CSMD3: variants seen among roughly 807,000 people sequenced by gnomAD.
CSMD3 encodes the protein CUB and sushi domain-containing protein 3.
CSMD3 carries 177 observed loss-of-function variants against 435.2 expected under a neutral mutation model. That is an observed-to-expected ratio of 0.41 (90% CI 0.36 to 0.46). The LOEUF is 0.46. Ranked by LOEUF, CSMD3 falls within the 20% of genes least tolerant of loss-of-function variation. The pLI is 0.34. For missense variants in CSMD3, 4,265 were observed against 4,504.6 expected, an observed-to-expected ratio of 0.95 and a Z score of 1.52; for synonymous variants, 1,656 against 1,520.5, an observed-to-expected ratio of 1.09 and a Z score of -2.07.
chr8:113,305,516 C>A (rs2093812999), intron 2 of CSMD3, among the ~76,000 whole-genome samples: 1 of 152,134 alleles, frequency 6.6e-6, no homozygotes, highest in African/African-American at 2.4e-5. Flanking sequence ...ATCTAAGGAA[C>A]AAAGTGTTTA....
intron 1 of CSMD3, among the ~76,000 whole-genome samples, chr8:113,355,217 G>GT (rs1175302219): frequency 6.6e-5 from 10 of 151,854 alleles, no homozygotes; most frequent in Non-Finnish European, 1.5e-4. Flanking sequence ...TTCCTAATGT[G>GT]GGTATATATA....
intron 23 of CSMD3, among the ~76,000 whole-genome samples, chr8:112,583,029 A>G (rs1439596073): frequency 6.6e-6 from 1 of 152,050 alleles, no homozygotes; most frequent in African/African-American, 2.4e-5. Flanking sequence ...AGCTCACATG[A>G]TCTAAGATGG....
Position 113,412,783 on chromosome 8 carries a change from C to G in CSMD3, c.178+23894G>C, listed in dbSNP as rs78849567. Among the ~76,000 whole-genome samples, 566 of 151,402 alleles carry G rather than the reference C, an allele frequency of 3.7e-3. 5 individuals are homozygous for G. Among genetic ancestry groups the G allele is most frequent in the African/African-American group, 0.013 (541 of 41,428 alleles). On this transcript the variant is annotated intron_variant, in intron 1 of 70. Coordinates refer to ENST00000297405, the MANE Select transcript of CSMD3 (RefSeq NM_198123.2). The stretch of plus-strand genomic sequence containing the variant: ...ATGAACGATTGTTTTTAATCCTTAC[C>G]CCAATCTAGAAGACAATGTTACAGG...
At chr8:113,212,762 T>C (rs2092853128) in intron 3 of CSMD3, among the ~76,000 whole-genome samples, 1 of 151,740 alleles carries the variant, frequency 6.6e-6, no homozygotes, top group Non-Finnish European at 1.5e-5. Context: ...GGGGGAGGGA[T>C]AGCATTAGGA....
At chr8:112,232,601 T>C (rs1813196003) in intron 68 of CSMD3, among the ~76,000 whole-genome samples, 1 of 152,040 alleles carries the variant, frequency 6.6e-6, no homozygotes, top group Non-Finnish European at 1.5e-5. Flanking sequence ...AGAGTGAGAC[T>C]CTGCTCAAAA....
chr8:112,251,654 G>C (rs1586541509), intron 63 of CSMD3, among the ~76,000 whole-genome samples: 1 of 151,614 alleles, frequency 6.6e-6, no homozygotes, highest in Middle Eastern at 3.2e-3. Flanking sequence ...TAGTTTGGTA[G>C]GGTTAAATAT....
intron 10 of CSMD3, among the ~76,000 whole-genome samples, chr8:112,879,346 G>A (rs1260235868): frequency 6.6e-6 from 1 of 152,100 alleles, no homozygotes; most frequent in Admixed American, 6.5e-5. Flanking sequence ...TTCCAGCCTA[G>A]TAAATCCTAG....
At chr8:112,231,429 G>C in intron 69 of CSMD3, 116 bp downstream of exon 69, 1 of 759,396 alleles carries the variant, frequency 1.3e-6, no homozygotes, top group Non-Finnish European at 2.4e-6. Flanking sequence ...GCATAGTTCT[G>C]GCAGTACAGA....
At chr8:112,892,924 C>T (rs779990507) in intron 10 of CSMD3, among the ~76,000 whole-genome samples, 1 of 151,454 alleles carries the variant, frequency 6.6e-6, no homozygotes, top group African/African-American at 2.4e-5. Flanking sequence ...AGCCCAGAAT[C>T]GTAACTGGCA....
intron 22 of CSMD3, among the ~76,000 whole-genome samples, chr8:112,633,832 A>G (rs924155352): frequency 6.6e-6 from 1 of 152,008 alleles, no homozygotes; most frequent in African/African-American, 2.4e-5. Context: ...TATACACACA[A>G]ATCGCTTTAG....
intron 22 of CSMD3, among the ~76,000 whole-genome samples, chr8:112,627,746 A>G (rs1834605771): frequency 6.6e-6 from 1 of 152,152 alleles, no homozygotes; most frequent in Admixed American, 6.6e-5. Flanking sequence ...CTATGGGTGA[A>G]TCACCATATA....
At chr8:113,008,301 A>T (rs974760) in intron 6 of CSMD3, among the ~76,000 whole-genome samples, 91,549 of 151,452 alleles carry the variant, frequency 0.6, 29,279 homozygotes, top group East Asian at 0.95. Context: ...AGTGAACAAT[A>T]ACAAAAGCTG....
At chr8:112,609,723 G>A (rs1469101776) in intron 22 of CSMD3, among the ~76,000 whole-genome samples, 2 of 152,052 alleles carry the variant, frequency 1.3e-5, no homozygotes, top group South Asian at 2.1e-4. Flanking sequence ...TTGCAGTAGT[G>A]TTCACAGTTG....
chr8:112,321,314 T>C (rs1265263430), intron 45 of CSMD3, among the ~76,000 whole-genome samples: 2 of 152,124 alleles, frequency 1.3e-5, no homozygotes, highest in Non-Finnish European at 2.9e-5. Context: ...GTGTATATCC[T>C]CTAATTTCAA....
intron 6 of CSMD3, among the ~76,000 whole-genome samples, chr8:113,000,197 G>A (rs2085811233): frequency 6.6e-6 from 1 of 152,012 alleles, no homozygotes. Flanking sequence ...AGTGTTTCAA[G>A]AAACTGACAA....
rs980066558 is a variant in CSMD3 at position 112,783,294 on chromosome 8, C to G, written c.1972+16868G>C. Among the ~76,000 whole-genome samples the G allele has an allele frequency of 2.0e-5, 3 of 151,086 alleles. No homozygotes were observed. In the East Asian group the frequency reaches 5.9e-4, roughly 30 times the overall value. ...ATCATGGGCTATAAGATATTATTTC[C>G]ACATCTCATGGTAACAAAAACTACA... On this transcript the variant is annotated intron_variant, in intron 13 of 70. Coordinates refer to ENST00000297405, the MANE Select transcript of CSMD3 (RefSeq NM_198123.2).
chr8:112,858,011 A>G (rs75129350), intron 11 of CSMD3, among the ~76,000 whole-genome samples: 3,004 of 151,782 alleles, frequency 0.02, 97 homozygotes, highest in African/African-American at 0.068. Context: ...GGGGCAGAGT[A>G]GGTTTCTGAT....
intron 62 of CSMD3, among the ~76,000 whole-genome samples, chr8:112,254,593 G>C (rs1815610524): frequency 6.6e-6 from 1 of 152,076 alleles, no homozygotes; most frequent in African/African-American, 2.4e-5. Flanking sequence ...AACTAGCTCT[G>C]TGGATGTAAA....
chr8:113,200,330 C>T (rs1448759720), intron 3 of CSMD3, among the ~76,000 whole-genome samples: 1 of 151,826 alleles, frequency 6.6e-6, no homozygotes, highest in African/African-American at 2.4e-5. Context: ...CACTAGGATG[C>T]TGCAATATGC....
Sources: gnomAD v4.1 joint callset for allele counts (sites outside exome capture counted in the v4.1 genomes callset) on GRCh38, gnomAD v4.1.1 for gene constraint, MANE v1.5 for transcripts, NCBI Gene and HGNC (gene_info 2026-07-23, HGNC 2026-07-21) for gene names.